The following PCDH15 variants were observed in gnomAD, a reference collection of about 807,000 sequenced individuals.
PCDH15 encodes protocadherin related 15.
A neutral mutation model predicts 178.5 loss-of-function variants in PCDH15; 129 were observed. That is an observed-to-expected ratio of 0.72 (90% confidence interval 0.63 to 0.84). PCDH15 has a LOEUF of 0.84. PCDH15 is among the 40% of genes least tolerant of loss of function. The pLI is 0.00. For missense variants in PCDH15, 2,230 were observed against 2,099.9 expected, an observed-to-expected ratio of 1.06 and a Z score of -1.21; for synonymous variants, 800 against 732.0, an observed-to-expected ratio of 1.09 and a Z score of -1.50.
chr10:54,237,917 C>T (rs2054802178), intron 8 of PCDH15, among the ~76,000 whole-genome samples: 1 of 152,174 alleles, frequency 6.6e-6, no homozygotes, highest in Non-Finnish European at 1.5e-5. Context: ...AATCTGCATA[C>T]TGACTTTCTA....
chr10:54,065,471 A>G (rs181452429), intron 18 of PCDH15, among the ~76,000 whole-genome samples: 2 of 152,328 alleles, frequency 1.3e-5, no homozygotes, highest in Admixed American at 1.3e-4. Context: ...TGGAGAATCC[A>G]CAGTAAGCCA....
chr10:54,284,842 G>C (rs775717608), intron 8 of PCDH15, among the ~76,000 whole-genome samples: 1 of 152,100 alleles, frequency 6.6e-6, no homozygotes, highest in African/African-American at 2.4e-5. Context: ...ATCAGGAGTA[G>C]AGTCTCTAAA....
At chr10:55,067,314 A>G (rs1200291647) in intron 2 of PCDH15, among the ~76,000 whole-genome samples, 5 of 151,994 alleles carry the variant, frequency 3.3e-5, no homozygotes, top group Non-Finnish European at 7.4e-5. Flanking sequence ...GTTCTCATAT[A>G]TGATTGAGAA....
At chr10:54,730,372 G>A (rs1238800664) in intron 1 of PCDH15, among the ~76,000 whole-genome samples, 3 of 151,522 alleles carry the variant, frequency 2.0e-5, no homozygotes, top group Non-Finnish European at 4.4e-5. Context: ...TACAGACAAA[G>A]GAACAATAGA....
intron 3 of PCDH15, among the ~76,000 whole-genome samples, chr10:54,505,181 T>C (rs2081062369): frequency 6.6e-6 from 1 of 152,080 alleles, no homozygotes; most frequent in African/African-American, 2.4e-5. Context: ...ATGGGTTGCC[T>C]TAAGAAAAAT....
At chr10:53,823,043 C>T in intron 32 of PCDH15, 7 of 1,614,054 alleles carry the variant, frequency 4.3e-6, no homozygotes, top group Non-Finnish European at 5.9e-6. Flanking sequence ...CCCTCAGAGA[C>T]TTACTCTTGG....
At chr10:55,394,796 T>TA (rs1246258540) in intron 2 of PCDH15, among the ~76,000 whole-genome samples, 19 of 152,102 alleles carry the variant, frequency 1.2e-4, no homozygotes, top group Admixed American at 6.6e-5. Flanking sequence ...GGATATATTA[T>TA]AAAAATCAAC....
chr10:55,077,134 A>G (rs944957260), intron 2 of PCDH15, among the ~76,000 whole-genome samples: 1 of 150,924 alleles, frequency 6.6e-6, no homozygotes, highest in African/African-American at 2.4e-5. Context: ...TGAGTGGAAT[A>G]TCTTTTTCTG....
At chr10:55,569,375 A>G (rs1842363442) in intron 2 of PCDH15, among the ~76,000 whole-genome samples, 1 of 152,026 alleles carries the variant, frequency 6.6e-6, no homozygotes, top group Non-Finnish European at 1.5e-5. Context: ...AGCATCTGTT[A>G]TAAGTTCCCT....
At chr10:54,886,339 T>C (rs549005600) in intron 3 of PCDH15, among the ~76,000 whole-genome samples, 1 of 152,334 alleles carries the variant, frequency 6.6e-6, no homozygotes, top group South Asian at 2.1e-4. Context: ...AAAGACTTTT[T>C]GGCATTTCTC....
chr10:55,580,493 G>T (rs560282970), intron 2 of PCDH15, among the ~76,000 whole-genome samples: 4 of 151,952 alleles, frequency 2.6e-5, no homozygotes, highest in African/African-American at 9.6e-5. Context: ...GAGCAGCTGG[G>T]ATTACAGGTG....
At chr10:55,230,311 C>T (rs1054749166) in intron 1 of PCDH15, among the ~76,000 whole-genome samples, 4 of 151,962 alleles carry the variant, frequency 2.6e-5, no homozygotes, top group African/African-American at 4.8e-5. Flanking sequence ...CATCTATATA[C>T]ACACAGACAG....
intron 8 of PCDH15, among the ~76,000 whole-genome samples, chr10:54,307,138 A>ATG (rs1179680176): frequency 1.1e-5 from 1 of 88,986 alleles, no homozygotes; most frequent in Non-Finnish European, 2.2e-5. Flanking sequence ...ATATATATAT[A>ATG]TATATATATA....
intron 2 of PCDH15, among the ~76,000 whole-genome samples, chr10:55,084,462 T>TAAAAAAAAAAAAAAAAAAAAAAAA (rs71461276): frequency 4.1e-5 from 6 of 145,618 alleles, no homozygotes; most frequent in African/African-American, 1.5e-4. Context: ...CCTCAAGCTG[T>TAAAAAAAAAAAAAAAAAAAAAAAA]AAAAAAAAAA....
chr10:55,103,385 G>A lies in PCDH15; in HGVS notation c.-80+63191C>T, dbSNP rs934908026. 5.3e-5 allele frequency among the ~76,000 whole-genome samples: 8 copies of A among 152,148 alleles called. No individual in the cohort carries two copies. In the South Asian group the frequency reaches 8.3e-4, roughly 16 times the overall value. On this transcript the variant is annotated intron_variant, in intron 2 of 5. Coordinates refer to the PCDH15 transcript ENST00000458638. The stretch of plus-strand genomic sequence containing the variant: ...GTGGTCTTCTGTTAGTTCCTCTGTT[G>A]GGGTATCTGTTAGCTCTTGAATTTC...
At chr10:54,528,594 T>C (rs1022792620) in intron 2 of PCDH15, among the ~76,000 whole-genome samples, 3 of 152,062 alleles carry the variant, frequency 2.0e-5, no homozygotes, top group Non-Finnish European at 4.4e-5. Context: ...TCTAATATAA[T>C]GTTAACACAT....
At chr10:54,577,944 C>T (rs2090671220) in intron 2 of PCDH15, among the ~76,000 whole-genome samples, 1 of 151,994 alleles carries the variant, frequency 6.6e-6, no homozygotes, top group Non-Finnish European at 1.5e-5. Flanking sequence ...CCTGATGAGT[C>T]CTTCTTAAGA....
intron 2 of PCDH15, among the ~76,000 whole-genome samples, chr10:54,645,468 T>C (rs951132486): frequency 4.6e-5 from 7 of 151,682 alleles, no homozygotes; most frequent in African/African-American, 1.7e-4. Flanking sequence ...TTTAAGAAAA[T>C]AGACAAAAAG....
At chr10:54,950,545 C>T (rs551274709) in intron 2 of PCDH15, among the ~76,000 whole-genome samples, 13 of 152,082 alleles carry the variant, frequency 8.5e-5, no homozygotes, top group African/African-American at 3.1e-4. Context: ...GTGAGGCCTC[C>T]CTAGCCATGT....
Sources: gnomAD v4.1 joint callset for allele counts (sites outside exome capture counted in the v4.1 genomes callset) on GRCh38, gnomAD v4.1.1 for gene constraint, MANE v1.5 for transcripts, NCBI Gene and HGNC (gene_info 2026-07-23, HGNC 2026-07-21) for gene names.